Variants in TEX11 observed in about 807,000 individuals in gnomAD.
TEX11 encodes testis-expressed protein 11.
In TEX11, 7 loss-of-function variants were observed where a neutral mutation model predicts 84.4. The ratio of observed to expected loss-of-function variants is 0.08; its 90% CI spans 0.05 to 0.16. TEX11 has a LOEUF of 0.16. Among genes scored for constraint, TEX11 ranks in the 10% least tolerant of loss-of-function variants. TEX11 has a pLI of 1.00. For missense variants in TEX11, 551 were observed against 660.5 expected, an observed-to-expected ratio of 0.83 and a Z score of 1.82; for synonymous variants, 264 against 222.8, an observed-to-expected ratio of 1.18 and a Z score of -1.64.
At chrX:70,786,792 A>G (rs759203326) in intron 9 of TEX11, among the ~76,000 whole-genome samples, 1 of 112,248 alleles carries the variant, frequency 8.9e-6, no homozygotes, top group South Asian at 3.8e-4. Flanking sequence ...ATGTCACATT[A>G]ACAGAGTAAA....
rs775352233 is a variant in TEX11 at position 70,591,863 on chromosome X, A to T, written c.2068-40T>A. 5.9e-6 allele frequency: 6 copies of T among 1,019,804 alleles called. No individual in the cohort carries two copies. The Admixed American group carries it at 1.5e-4, about 25-fold the overall frequency. The allele number at this position is 1,019,804 out of a possible 1,213,427, so 84.0% of individuals were successfully genotyped here. A position where few individuals can be genotyped will look rare whatever the true frequency, so the allele number is the denominator to read the frequency against. On this transcript the variant is annotated intron_variant, in intron 24 of 29. Transcript: ENST00000374333. ...TGCAACAAGTTAATTAGTCCCAACA[A>T]AAAAGAACTTTAAGCAAATTAATAT...
chrX:70,590,468 T>C (rs541447017), intron 25 of TEX11, among the ~76,000 whole-genome samples: 4 of 111,485 alleles, frequency 3.6e-5, no homozygotes, highest in African/African-American at 1.3e-4. Flanking sequence ...ATGACTTAAT[T>C]TTATAAAATC....
chrX:70,651,406 C>T, intron 17 of TEX11, 44 bp downstream of exon 17: 1 of 923,911 alleles, frequency 1.1e-6, no homozygotes, highest in Non-Finnish European at 1.5e-6. Flanking sequence ...ATTATTTATT[C>T]TTTGTGTTAA....
At chrX:70,641,934 G>A (rs2089665139) in intron 17 of TEX11, among the ~76,000 whole-genome samples, 1 of 111,174 alleles carries the variant, frequency 9.0e-6, no homozygotes, top group Non-Finnish European at 1.9e-5. Flanking sequence ...AGAACTGAAG[G>A]AAATAGAGAC....
chrX:70,790,522 G>T (rs760876688), intron 9 of TEX11, among the ~76,000 whole-genome samples: 53 of 112,305 alleles, frequency 4.7e-4, no homozygotes, highest in Non-Finnish European at 9.2e-4. Context: ...TGCCAGGAGA[G>T]TAGACAGAGG....
intron 3 of TEX11, among the ~76,000 whole-genome samples, chrX:70,878,965 C>G (rs1377944986): frequency 8.9e-6 from 1 of 112,258 alleles, no homozygotes; most frequent in South Asian, 3.7e-4. Context: ...AGTACAAATA[C>G]ATGCAACAAT....
At chrX:70,704,079 ATC>A (rs376720264) in intron 13 of TEX11, among the ~76,000 whole-genome samples, 33 of 96,168 alleles carry the variant, frequency 3.4e-4, no homozygotes, top group Middle Eastern at 5.4e-3. Context: ...AGTGTGTGGT[ATC>A]TCTCTCTCTC....
intron 25 of TEX11, among the ~76,000 whole-genome samples, chrX:70,567,638 A>G: frequency 9.0e-6 from 1 of 110,954 alleles, no homozygotes; most frequent in Admixed American, 9.6e-5. Context: ...GAACATCTTT[A>G]TTTCTGCCTT....
intron 13 of TEX11, among the ~76,000 whole-genome samples, chrX:70,705,281 C>T (rs376935938): frequency 9.0e-6 from 1 of 111,223 alleles, no homozygotes; most frequent in African/African-American, 3.3e-5. Flanking sequence ...CAATGCAGGC[C>T]CTTTTTTGGT....
intron 13 of TEX11, among the ~76,000 whole-genome samples, chrX:70,705,189 G>T (rs2090361677): frequency 9.0e-6 from 1 of 111,391 alleles, no homozygotes; most frequent in Admixed American, 9.6e-5. Context: ...TGCTGTTTTG[G>T]TTACTATAGC....
intron 17 of TEX11, among the ~76,000 whole-genome samples, chrX:70,636,197 C>T (rs2089570848): frequency 9.0e-6 from 1 of 110,678 alleles, no homozygotes; most frequent in African/African-American, 3.3e-5. Flanking sequence ...GTCCCCACAG[C>T]CCCACACACT....
At chrX:70,519,911 T>A in the TEX11 span, among the ~76,000 whole-genome samples, 1 of 112,151 alleles carries the variant, frequency 8.9e-6, no homozygotes, top group South Asian at 3.8e-4. Flanking sequence ...TCAAATTGGC[T>A]ACTGAAGCTT....
intron 2 of TEX11, among the ~76,000 whole-genome samples, chrX:70,898,989 G>A (rs991722972): frequency 8.9e-6 from 1 of 112,021 alleles, no homozygotes; most frequent in Non-Finnish European, 1.9e-5. Flanking sequence ...TTTCTGTACA[G>A]GCTGTAAAAT....
At chrX:70,653,897 C>T (rs2147611656) in intron 16 of TEX11, among the ~76,000 whole-genome samples, 1 of 111,849 alleles carries the variant, frequency 8.9e-6, no homozygotes, top group South Asian at 3.7e-4. Context: ...ATGAAGGAAT[C>T]TTAAATGCAT....
chrX:70,533,522 C>T (rs1480734137), intron 28 of TEX11, among the ~76,000 whole-genome samples: 11 of 110,733 alleles, frequency 9.9e-5, no homozygotes, highest in Middle Eastern at 4.6e-3. Context: ...AGAGGAGTGG[C>T]GAGAAAATAA....
intron 17 of TEX11, among the ~76,000 whole-genome samples, chrX:70,631,262 A>G (rs1185844093): frequency 1.8e-5 from 2 of 112,130 alleles, no homozygotes; most frequent in Non-Finnish European, 3.8e-5. Flanking sequence ...ACAAGTCTCA[A>G]TATATTTAAA....
chrX:70,678,710 T>C, intron 15 of TEX11, 94 bp downstream of exon 15: 1 of 639,995 alleles, frequency 1.6e-6, no homozygotes, highest in African/African-American at 2.2e-5. Context: ...ACAGAGATTA[T>C]TGAAGTATTT....
intron 28 of TEX11, among the ~76,000 whole-genome samples, chrX:70,533,845 G>C (rs1462727922): frequency 4.5e-5 from 5 of 110,797 alleles, no homozygotes; most frequent in Non-Finnish European, 7.6e-5. Flanking sequence ...TGTAATCCCA[G>C]GACTTTGGGA....
intron 17 of TEX11, among the ~76,000 whole-genome samples, chrX:70,638,664 G>A (rs1460436781): frequency 9.2e-6 from 1 of 108,892 alleles, no homozygotes; most frequent in Non-Finnish European, 1.9e-5. Context: ...ATCTGGGCAT[G>A]GTGGCATGTG....
Sources: allele counts gnomAD v4.1 joint callset (sites outside exome capture counted in the v4.1 genomes callset), GRCh38; gene constraint gnomAD v4.1.1; transcripts MANE v1.5; gene names NCBI Gene and HGNC (gene_info 2026-07-23, HGNC 2026-07-21).